Variants in CFAP46 observed in about 807,000 individuals in gnomAD.
CFAP46 encodes cilia and flagella associated protein 46.
A neutral mutation model predicts 325.7 loss-of-function variants in CFAP46; 245 were observed. The ratio of observed to expected loss-of-function variants is 0.75; its 90% CI spans 0.68 to 0.84. CFAP46 has a LOEUF of 0.84. Ranked by LOEUF, CFAP46 falls within the 40% of genes least tolerant of loss-of-function variation. The probability of loss-of-function intolerance (pLI) is 0.00; values close to 1 mark genes in which losing one functional copy is unlikely to be tolerated. For synonymous variants in CFAP46, 1,523 were observed against 1,495.9 expected (o/e 1.02, Z -0.42); for missense variants, 3,346 against 3,543.0 (o/e 0.94, Z 1.41).
chr10:132,810,934 C>A lies in CFAP46; in HGVS notation c.7583+16G>T. 1 of 1,579,470 alleles carries A rather than the reference C, an allele frequency of 6.3e-7. No homozygotes were observed. Among genetic ancestry groups the A allele is most frequent in the South Asian group, 1.2e-5 (1 of 86,340 alleles). The stretch of plus-strand genomic sequence containing the variant: ...TCCTCAGCATCCCTGCCCACCCGTT[C>A]CAGGCAGCCAGGCACCTCCTGTGCT... On this transcript the variant is annotated intron_variant, in intron 56 of 57. Coordinates refer to ENST00000368586, the MANE Select transcript of CFAP46 (RefSeq NM_001200049.3).
At chr10:132,880,110 G>C (rs1026876229) in intron 28 of CFAP46, among the ~76,000 whole-genome samples, 1 of 146,166 alleles carries the variant, frequency 6.8e-6, no homozygotes, top group Non-Finnish European at 1.5e-5. Context: ...GTGTGTGTGT[G>C]TGCATGTATG....
intron 9 of CFAP46, chr10:132,929,090 A>G (rs1248766632): frequency 4.4e-5 from 8 of 182,732 alleles, no homozygotes; most frequent in African/African-American, 1.6e-4. Flanking sequence ...AGACCCCCCA[A>G]CCCAGTGGAG....
chr10:132,938,449 G>GT (rs1850044809), intron 5 of CFAP46, 140 bp downstream of exon 5: 1 of 815,920 alleles, frequency 1.2e-6, no homozygotes, highest in Admixed American at 2.5e-5. Flanking sequence ...ACAGAAACTT[G>GT]TGACTGTGGG....
chr10:132,877,787 G>T lies in CFAP46; in HGVS notation c.4212+94C>A. ...CGGGCCCGGCCTCTGCACTGAGGCC[G>T]CCTGGGGCTCCTCCGAGAACCCTGA... is the stretch of plus-strand genomic sequence containing the variant. On this transcript the variant is annotated intron_variant, in intron 30 of 57. Coordinates refer to ENST00000368586, the MANE Select transcript of CFAP46 (RefSeq NM_001200049.3). The surrounding 1 kb of genome is among the most constrained non-coding windows in gnomAD (Gnocchi z 5.7). 1 of 1,372,360 alleles carries T rather than the reference G, an allele frequency of 7.3e-7. No homozygotes were observed. Among genetic ancestry groups the T allele is most frequent in the Non-Finnish European group, 1.0e-6 (1 of 1,002,200 alleles). The allele number at this position is 1,372,360 out of a possible 1,614,324, so 85.0% of individuals were successfully genotyped here. A position where few individuals can be genotyped will look rare whatever the true frequency, so the allele number is the denominator to read the frequency against.
chr10:132,824,459 GC>G (rs1450234544), intron 50 of CFAP46, among the ~76,000 whole-genome samples: 2 of 122,658 alleles, frequency 1.6e-5, no homozygotes, highest in Non-Finnish European at 3.5e-5. Context: ...TGTGCTGTGT[GC>G]TGATGTGTGC....
chr10:132,914,027 GCCCC>G (rs1564799244), intron 17 of CFAP46, among the ~76,000 whole-genome samples: 15 of 151,172 alleles, frequency 9.9e-5, no homozygotes, highest in African/African-American at 3.4e-4. Context: ...TCTGGCCCCC[GCCCC>G]GAGGCTGTGT....
chr10:132,870,551 G>A (rs781275758), intron 32 of CFAP46, among the ~76,000 whole-genome samples: 3 of 152,154 alleles, frequency 2.0e-5, no homozygotes, highest in Non-Finnish European at 4.4e-5. Context: ...AGGTGGAGCC[G>A]CCTCAGTGCC....
At chr10:132,916,392 T>C (rs940986885) in intron 17 of CFAP46, among the ~76,000 whole-genome samples, 157 bp downstream of exon 17, 2 of 152,216 alleles carry the variant, frequency 1.3e-5, no homozygotes, top group Admixed American at 6.5e-5. Context: ...TCTTTCATGG[T>C]CTCAGTCATT....
At position 132,847,076 on chromosome 10, in the gene CFAP46, C is replaced by G; in HGVS notation, c.6123G>C (p.Gln2041His). 1 of 1,612,438 alleles carries G rather than the reference C, an allele frequency of 6.2e-7. No homozygotes were observed. The highest frequency in any genetic ancestry group is 8.5e-7 in the Non-Finnish European group (1 of 1,179,748). ...RMVLAQQYLA[Q>H]ASEVLLQCLQ... ...GGCACTGCAGCAGCACCTCTGACGCCTGAGCCAGGTACTGCTGGGCCAGAA... is the reference window on the plus strand; with the variant it reads ...GGCACTGCAGCAGCACCTCTGACGCGTGAGCCAGGTACTGCTGGGCCAGAA... The change falls in exon 43 of 58, where the codon CAG becomes CAC. Residue 2041 changes from glutamine (Q) to histidine (H), a missense_variant. Coordinates refer to ENST00000368586, the MANE Select transcript of CFAP46 (RefSeq NM_001200049.3). The surrounding 1 kb of genome is among the most constrained non-coding windows in gnomAD (Gnocchi z 5.2).
At chr10:132,895,408 C>A (rs1849305193) in intron 24 of CFAP46, among the ~76,000 whole-genome samples, 1 of 152,242 alleles carries the variant, frequency 6.6e-6, no homozygotes, top group African/African-American at 2.4e-5. Context: ...GACAAGGCCA[C>A]TGCTTCCACT....
In CFAP46 at chr10:132,836,134, C is replaced by T; in HGVS notation, c.6613+8G>A. 2 of 1,602,616 alleles carry T rather than the reference C, an allele frequency of 1.2e-6. No homozygotes were observed. The highest frequency in any genetic ancestry group is 8.5e-7 in the Non-Finnish European group (1 of 1,177,766). On this transcript the variant is annotated splice_region_variant and intron_variant, in intron 46 of 57. Coordinates refer to ENST00000368586, the MANE Select transcript of CFAP46 (RefSeq NM_001200049.3). Reference sequence around the variant, plus strand: ...CTCCCCCTCCCCCTCCCCTGCAGCCCTGCTCACCTCCCACCGCCTGCACCT... The same window carrying T: ...CTCCCCCTCCCCCTCCCCTGCAGCCTTGCTCACCTCCCACCGCCTGCACCT...
chr10:132,926,933 C>G (rs1265518908), intron 9 of CFAP46, among the ~76,000 whole-genome samples: 2 of 152,204 alleles, frequency 1.3e-5, no homozygotes, highest in Non-Finnish European at 2.9e-5. Context: ...GGGCCTTGTC[C>G]CGGCCCCCAA....
At position 132,827,830 on chromosome 10, in the gene CFAP46, T is replaced by C. The variant is rs1848084347; in HGVS notation, c.7117+5528A>G. Among the ~76,000 whole-genome samples the C allele has an allele frequency of 6.6e-6, 1 of 152,022 alleles. No individual in the cohort carries two copies. Among genetic ancestry groups the C allele is most frequent in the South Asian group, 2.1e-4 (1 of 4,818 alleles). On this transcript the variant is annotated intron_variant, in intron 50 of 57. Transcript: ENST00000368586. The surrounding 1 kb of genome is among the most constrained non-coding windows in gnomAD (Gnocchi z 5.7). ...CTTACCTGCCTTCTGACTTGTACAT[T>C]GGTTTGTATTTCCCAGGCTTTTGTA...
chr10:132,837,499 ACACAGACG>A (rs1848273206), intron 44 of CFAP46, among the ~76,000 whole-genome samples: 2 of 32,714 alleles, frequency 6.1e-5, no homozygotes, highest in Admixed American at 4.0e-4. Context: ...ACACAGATGC[ACACAGACG>A]CACACAGACA....
At chr10:132,915,164 G>A (rs1435408956) in intron 17 of CFAP46, among the ~76,000 whole-genome samples, 2 of 152,254 alleles carry the variant, frequency 1.3e-5, no homozygotes, top group African/African-American at 4.8e-5. Flanking sequence ...AAGTGTCAAA[G>A]CCACTCTCAG....
intron 50 of CFAP46, among the ~76,000 whole-genome samples, chr10:132,821,522 GTGC>G (rs1306742072): frequency 1.4e-5 from 2 of 141,274 alleles, no homozygotes; most frequent in Non-Finnish European, 1.5e-5. Flanking sequence ...TGTGTGCTGT[GTGC>G]TGATGTGTGC....
intron 50 of CFAP46, among the ~76,000 whole-genome samples, chr10:132,822,251 CTGA>C (rs1486259117): frequency 9.1e-6 from 1 of 110,196 alleles, no homozygotes; most frequent in East Asian, 2.9e-4. Context: ...TGTGTGTGCG[CTGA>C]TGTGTGCTGT....
intron 22 of CFAP46, among the ~76,000 whole-genome samples, chr10:132,901,151 C>T (rs1159211627): frequency 1.3e-5 from 2 of 152,092 alleles, no homozygotes; most frequent in Admixed American, 1.3e-4. Context: ...GGTCTTGCTC[C>T]TATGTTCTGT....
chr10:132,890,196 C>A (rs1240452399), intron 25 of CFAP46, among the ~76,000 whole-genome samples: 2 of 151,960 alleles, frequency 1.3e-5, no homozygotes, highest in Admixed American at 1.3e-4. Context: ...CTGAAGGGGT[C>A]TGGGCTGCCC....
Sources: gnomAD v4.1 joint callset for allele counts (sites outside exome capture counted in the v4.1 genomes callset) on GRCh38, gnomAD v4.1.1 for gene constraint, Gnocchi (gnomAD v3.1) non-coding constraint, MANE v1.5 for transcripts, NCBI Gene and HGNC (gene_info 2026-07-23, HGNC 2026-07-21) for gene names.